SLC23A2: variants seen among roughly 807,000 people sequenced by gnomAD.
The protein encoded by SLC23A2 is solute carrier family 23 member 2, also known as Na(+)/L-ascorbic acid transporter 2.
SLC23A2 carries 36 observed loss-of-function variants against 73.3 expected under a neutral mutation model. The observed-to-expected ratio is 0.49, with a 90% CI of 0.38 to 0.65. The LOEUF (loss-of-function observed/expected upper bound fraction) is 0.65. SLC23A2 is among the 30% of genes least tolerant of loss of function. The pLI is 0.00. For missense variants in SLC23A2, 507 were observed against 841.6 expected, an observed-to-expected ratio of 0.60 and a Z score of 4.92; for synonymous variants, 343 against 327.3, an observed-to-expected ratio of 1.05 and a Z score of -0.52.
chr20:4,891,749 C>T (rs967225805), intron 6 of SLC23A2, among the ~76,000 whole-genome samples: 3 of 152,198 alleles, frequency 2.0e-5, no homozygotes, highest in East Asian at 3.8e-4. Flanking sequence ...ACCTGATGCT[C>T]GCTAACAATC....
In SLC23A2 at chr20:4,859,308, G is replaced by C; in HGVS notation, c.1701C>G (p.Ile567Met). ...AMFVGGCVAF[I>M]LDNTIPGTPE... ...ACGTACCTGGGATGGTGTTATCCAG[G>C]ATAAAAGCCACACAGCCCCCTACAA... is the stretch of plus-strand genomic sequence containing the variant. The change falls in exon 16 of 17, where the codon ATC becomes ATG. Residue 567 changes from isoleucine (I) to methionine (M), a missense_variant. By Grantham distance (10) the Ile-to-Met change is conservative. Coordinates refer to ENST00000338244, the MANE Select transcript of SLC23A2 (RefSeq NM_005116.6). 1 of 1,608,576 alleles carries C rather than the reference G, an allele frequency of 6.2e-7. No individual in the cohort carries two copies. The highest frequency in any genetic ancestry group is 8.5e-7 in the Non-Finnish European group (1 of 1,175,532).
chr20:4,946,046 C>G (rs1054783173), intron 2 of SLC23A2, among the ~76,000 whole-genome samples: 11 of 152,164 alleles, frequency 7.2e-5, no homozygotes, highest in Middle Eastern at 3.2e-3. Context: ...CAAACTACCC[C>G]CAATGACTGC....
At chr20:4,874,477 C>T in intron 10 of SLC23A2, 99 bp downstream of exon 10, 1 of 1,104,654 alleles carries the variant, frequency 9.1e-7, no homozygotes, top group Non-Finnish European at 1.3e-6. Context: ...CAGATATGAT[C>T]CCCCAAGGAG....
At chr20:4,900,295 T>C (rs1199525841) in intron 5 of SLC23A2, among the ~76,000 whole-genome samples, 4 of 152,268 alleles carry the variant, frequency 2.6e-5, no homozygotes, top group African/African-American at 4.8e-5. Context: ...ATTTTACTTA[T>C]GTAATTCTTA....
chr20:4,878,986 T>A (rs1930768027), intron 9 of SLC23A2, among the ~76,000 whole-genome samples: 1 of 152,196 alleles, frequency 6.6e-6, no homozygotes, highest in African/African-American at 2.4e-5. Flanking sequence ...GACTAGCACA[T>A]CTAGAATAAC....
chr20:4,894,751 T>C (rs1931456490), intron 6 of SLC23A2, among the ~76,000 whole-genome samples: 1 of 150,764 alleles, frequency 6.6e-6, no homozygotes, highest in Admixed American at 6.6e-5. Flanking sequence ...TCACTGTGTC[T>C]TCTGCAAAGA....
At chr20:4,919,373 C>A (rs1932429448) in intron 3 of SLC23A2, among the ~76,000 whole-genome samples, 1 of 152,182 alleles carries the variant, frequency 6.6e-6, no homozygotes, top group East Asian at 1.9e-4. Context: ...CTTAGGGCTG[C>A]CTTCTCCAGA....
intron 2 of SLC23A2, among the ~76,000 whole-genome samples, chr20:4,952,773 G>A (rs1023182981): frequency 5.3e-5 from 8 of 151,976 alleles, no homozygotes; most frequent in Admixed American, 6.6e-5. Flanking sequence ...ACCTGTAATC[G>A]CAGCACTTTG....
chr20:4,909,524 G>T (rs1053830903), intron 4 of SLC23A2, among the ~76,000 whole-genome samples: 3 of 151,986 alleles, frequency 2.0e-5, no homozygotes, highest in African/African-American at 7.2e-5. Flanking sequence ...ACAAAAGATA[G>T]CTTAAAGAGA....
rs1207590587 is a variant in SLC23A2, at chr20:4,868,317, G to A, written c.1251-442C>T. Among the ~76,000 whole-genome samples, 1 of 152,050 alleles carries A rather than the reference G, an allele frequency of 6.6e-6. No individual in the cohort carries two copies. Among genetic ancestry groups the A allele is most frequent in the African/African-American group, 2.4e-5 (1 of 41,392 alleles). ...GGAATTCCTGACCTCAGGGTGATCC[G>A]CCTGCCTCAGCCTCCCAAAATGTTG... On this transcript the variant is annotated intron_variant, in intron 12 of 16. Coordinates refer to ENST00000338244, the MANE Select transcript of SLC23A2 (RefSeq NM_005116.6). The surrounding 1 kb of genome is among the most constrained non-coding windows in gnomAD (Gnocchi z 4.4).
At chr20:5,001,963 T>C (rs1157288517), upstream of SLC23A2, among the ~76,000 whole-genome samples, 3 of 152,142 alleles carry the variant, frequency 2.0e-5, no homozygotes, top group Non-Finnish European at 2.9e-5. Flanking sequence ...AGCCAGTTTT[T>C]TTAACCTAAC....
At chr20:4,955,985 A>G (rs2087282193) in intron 2 of SLC23A2, among the ~76,000 whole-genome samples, 2 of 152,170 alleles carry the variant, frequency 1.3e-5, no homozygotes, top group African/African-American at 4.8e-5. Flanking sequence ...AGGAAAAATT[A>G]TCAATAGCTC....
At chr20:4,875,598 T>C (rs991530663) in intron 9 of SLC23A2, among the ~76,000 whole-genome samples, 1 of 152,188 alleles carries the variant, frequency 6.6e-6, no homozygotes, top group East Asian at 1.9e-4. Flanking sequence ...CTAAGTGCTA[T>C]GGGAGGCAGG....
At chr20:4,858,143 G>C (rs16990317) in intron 16 of SLC23A2, among the ~76,000 whole-genome samples, 5,249 of 152,158 alleles carry the variant, frequency 0.034, 286 homozygotes, top group African/African-American at 0.12. Context: ...ATGCTGCTTT[G>C]CTCCATTTTA....
chr20:4,885,117 C>G (rs1274850719), intron 7 of SLC23A2, among the ~76,000 whole-genome samples: 2 of 152,190 alleles, frequency 1.3e-5, no homozygotes, highest in East Asian at 3.9e-4. Flanking sequence ...CCTTTGCACA[C>G]AGCTCATTGA....
chr20:4,863,743 G>C lies in SLC23A2; in HGVS notation c.1357-836C>G, dbSNP rs1418592475. On this transcript the variant is annotated intron_variant, in intron 13 of 16. Transcript: ENST00000338244. This position sits in a 1 kb window ranked among gnomAD's most constrained non-coding sequence, Gnocchi z 4.8. The stretch of plus-strand genomic sequence containing the variant: ...TTTCCAAGCACACCAGGCAGGCCTG[G>C]GCCTGTCTACCTGGACACCCTTCCC... Among the ~76,000 whole-genome samples the C allele has an allele frequency of 5.9e-5, 9 of 152,018 alleles. No homozygotes were observed. Among genetic ancestry groups the C allele is most frequent in the Admixed American group, 5.9e-4 (9 of 15,264 alleles).
At chr20:4,956,470 G>GA (rs1256189274) in intron 2 of SLC23A2, among the ~76,000 whole-genome samples, 1 of 152,122 alleles carries the variant, frequency 6.6e-6, no homozygotes, top group Non-Finnish European at 1.5e-5. Context: ...ACTTCTTCTG[G>GA]AAAATTTCAA....
intron 6 of SLC23A2, among the ~76,000 whole-genome samples, chr20:4,896,370 G>A (rs1931522159): frequency 6.6e-6 from 1 of 152,176 alleles, no homozygotes; most frequent in Admixed American, 6.5e-5. Context: ...GCTGGTCGGA[G>A]AGGAAGCAAG....
At chr20:4,884,242 T>C (rs190781021) in intron 8 of SLC23A2, among the ~76,000 whole-genome samples, 186 of 152,358 alleles carry the variant, frequency 1.2e-3, no homozygotes, top group African/African-American at 4.1e-3. Context: ...GGGATGTTTT[T>C]AGTGTGCAGA....
Sources: gnomAD v4.1 joint callset for allele counts (sites outside exome capture counted in the v4.1 genomes callset) on GRCh38, gnomAD v4.1.1 for gene constraint, Gnocchi (gnomAD v3.1) non-coding constraint, MANE v1.5 for transcripts, NCBI Gene and HGNC (gene_info 2026-07-23, HGNC 2026-07-21) for gene names.